The following SNCAIP variants were observed in gnomAD, a reference collection of about 807,000 sequenced individuals.
SNCAIP encodes synphilin-1.
SNCAIP carries 43 observed loss-of-function variants against 86.7 expected under a neutral mutation model. That is an observed-to-expected ratio of 0.50 (90% CI 0.39 to 0.64). The LOEUF (loss-of-function observed/expected upper bound fraction) is 0.64, where lower values mean the gene tolerates loss of function less well. Ranked by LOEUF, SNCAIP falls within the 30% of genes least tolerant of loss-of-function variation. The pLI is 0.00. For synonymous variants in SNCAIP, 417 were observed against 427.2 expected (o/e 0.98, Z 0.29); for missense variants, 981 against 1,103.1 (o/e 0.89, Z 1.57).
intron 1 of SNCAIP, among the ~76,000 whole-genome samples, chr5:122,355,523 T>C (rs769927703): frequency 2.8e-4 from 43 of 152,188 alleles, no homozygotes; most frequent in Non-Finnish European, 5.3e-4. Context: ...GCCCATAAAA[T>C]CCACCTTCCC....
At chr5:122,458,593 A>T (rs1187747201) in intron 10 of SNCAIP, among the ~76,000 whole-genome samples, 4 of 152,312 alleles carry the variant, frequency 2.6e-5, no homozygotes, top group Admixed American at 2.6e-4. Context: ...CAGTGCCTTC[A>T]TCAAGTATCC....
intron 1 of SNCAIP, among the ~76,000 whole-genome samples, chr5:122,370,902 A>ACTAATGTG (rs1764142633): frequency 6.6e-6 from 1 of 152,196 alleles, no homozygotes; most frequent in Non-Finnish European, 1.5e-5. Context: ...TGGAAATTTG[A>ACTAATGTG]GAAATAGCAT....
intron 1 of SNCAIP, among the ~76,000 whole-genome samples, chr5:122,334,229 A>T (rs1375448348): frequency 1.3e-5 from 2 of 152,102 alleles, no homozygotes; most frequent in East Asian, 3.9e-4. Flanking sequence ...GTAAACAATG[A>T]CCCTGTGAGG....
At chr5:122,414,875 A>AGG (rs1266138480) in intron 3 of SNCAIP, among the ~76,000 whole-genome samples, 1 of 152,196 alleles carries the variant, frequency 6.6e-6, no homozygotes, top group East Asian at 1.9e-4. Flanking sequence ...AAGAATACAT[A>AGG]AGAACTGCCT....
At chr5:122,430,067 A>G (rs1467655857) in intron 5 of SNCAIP, among the ~76,000 whole-genome samples, 1 of 152,204 alleles carries the variant, frequency 6.6e-6, no homozygotes, top group Non-Finnish European at 1.5e-5. Context: ...TAGAATCTGC[A>G]TGTGAATAGT....
intron 1 of SNCAIP, among the ~76,000 whole-genome samples, chr5:122,343,670 G>C (rs1375519821): frequency 6.6e-6 from 1 of 152,148 alleles, no homozygotes; most frequent in Non-Finnish European, 1.5e-5. Context: ...TCTTGACCTC[G>C]GTCCTACTGA....
intron 10 of SNCAIP, among the ~76,000 whole-genome samples, chr5:122,455,184 G>A (rs1784500251): frequency 1.3e-5 from 2 of 152,130 alleles, no homozygotes; most frequent in African/African-American, 2.4e-5. Context: ...CATAGGAAGT[G>A]GAAACCTTAG....
At chr5:122,442,424 C>A (rs976117998) in intron 7 of SNCAIP, among the ~76,000 whole-genome samples, 2 of 152,102 alleles carry the variant, frequency 1.3e-5, no homozygotes, top group African/African-American at 4.8e-5. Context: ...GGAGAACTCA[C>A]TTGATAGGAA....
chr5:122,371,512 A>AT (rs1764260361), intron 1 of SNCAIP: 1 of 152,204 alleles, frequency 6.6e-6, no homozygotes, highest in South Asian at 2.1e-4. Flanking sequence ...AGAAGGGAGA[A>AT]GACAAATTGC....
chr5:122,435,172 T>C (rs1459207090), intron 6 of SNCAIP, among the ~76,000 whole-genome samples: 2 of 152,290 alleles, frequency 1.3e-5, no homozygotes, highest in African/African-American at 4.8e-5. Context: ...AATTATTTCA[T>C]TGCCTGACTG....
chr5:122,442,560 A>G (rs1040336872), intron 7 of SNCAIP, among the ~76,000 whole-genome samples: 13 of 152,204 alleles, frequency 8.5e-5, no homozygotes, highest in Non-Finnish European at 1.6e-4. Context: ...TTAAATTCTT[A>G]ACAGGTTCTG....
intron 1 of SNCAIP, among the ~76,000 whole-genome samples, chr5:122,356,222 G>C (rs953730161): frequency 6.6e-6 from 1 of 151,474 alleles, no homozygotes; most frequent in Admixed American, 6.6e-5. Context: ...AACCTCCTGG[G>C]CTCAAGCAGT....
At chr5:122,318,484 C>T (rs1300814508) in intron 1 of SNCAIP, among the ~76,000 whole-genome samples, 2 of 152,188 alleles carry the variant, frequency 1.3e-5, no homozygotes, top group Non-Finnish European at 2.9e-5. Context: ...GTGCTCAGTA[C>T]AGTGCCTTGC....
chr5:122,421,812 T>C (rs556147964), intron 3 of SNCAIP, among the ~76,000 whole-genome samples: 4 of 152,058 alleles, frequency 2.6e-5, no homozygotes, highest in Non-Finnish European at 5.9e-5. Context: ...AGTATAATCA[T>C]ATCTGAGGAG....
chr5:122,366,250 C>T (rs1763173380), intron 1 of SNCAIP, among the ~76,000 whole-genome samples: 1 of 152,206 alleles, frequency 6.6e-6, no homozygotes, highest in Non-Finnish European at 1.5e-5. Flanking sequence ...TTACCACCCA[C>T]AAGTTAGGGC....
chr5:122,357,409 T>C (rs374197498), intron 1 of SNCAIP, among the ~76,000 whole-genome samples: 13 of 152,100 alleles, frequency 8.5e-5, no homozygotes, highest in African/African-American at 2.4e-4. Context: ...CTAATTTTTG[T>C]ATTTTTAGTA....
At chr5:122,416,645 C>A (rs72789036) in intron 3 of SNCAIP, among the ~76,000 whole-genome samples, 2 of 152,178 alleles carry the variant, frequency 1.3e-5, no homozygotes, top group African/African-American at 2.4e-5. Flanking sequence ...GACTCCATGC[C>A]TTCTTCCTAC....
chr5:122,416,468 G>GA (rs1250880718), intron 3 of SNCAIP, among the ~76,000 whole-genome samples: 2 of 152,164 alleles, frequency 1.3e-5, no homozygotes, highest in African/African-American at 4.8e-5. Context: ...AGCCAGAAGG[G>GA]AGCATCCCAG....
At chr5:122,410,489 G>T (rs1434471) in intron 3 of SNCAIP, among the ~76,000 whole-genome samples, 18,937 of 152,170 alleles carry the variant, frequency 0.12, 1,226 homozygotes, top group South Asian at 0.24. Context: ...GGGGGCAGGA[G>T]GTGAGAGAAA....
Sources: allele counts gnomAD v4.1 joint callset (sites outside exome capture counted in the v4.1 genomes callset), GRCh38; gene constraint gnomAD v4.1.1; transcripts MANE v1.5; gene names NCBI Gene and HGNC (gene_info 2026-07-23, HGNC 2026-07-21).